The following PLCH1 variants were observed in gnomAD, a reference collection of about 807,000 sequenced individuals.
PLCH1 encodes the protein phospholipase C eta 1.
In PLCH1, 60 loss-of-function variants were observed where a neutral mutation model predicts 126.7. That is an observed-to-expected ratio of 0.47 (90% CI 0.38 to 0.59). The LOEUF (loss-of-function observed/expected upper bound fraction) is 0.59. PLCH1 is among the 20% of genes least tolerant of loss of function. PLCH1 has a pLI of 0.00. For missense variants in PLCH1, 1,723 were observed against 2,040.0 expected, an observed-to-expected ratio of 0.84 and a Z score of 2.99; for synonymous variants, 719 against 734.9, an observed-to-expected ratio of 0.98 and a Z score of 0.35.
intron 1 of PLCH1, among the ~76,000 whole-genome samples, chr3:155,707,742 A>ACAT (rs1197232571): frequency 6.6e-6 from 1 of 152,184 alleles, no homozygotes; most frequent in Non-Finnish European, 1.5e-5. Flanking sequence ...ACATAGCAAT[A>ACAT]GATAATGTAA....
chr3:155,707,917 T>C (rs1221873986), intron 1 of PLCH1, among the ~76,000 whole-genome samples: 1 of 152,140 alleles, frequency 6.6e-6, no homozygotes, highest in Non-Finnish European at 1.5e-5. Flanking sequence ...TCCAGATCTT[T>C]TTGCTTTTCT....
intron 2 of PLCH1, among the ~76,000 whole-genome samples, chr3:155,694,059 T>G (rs892860071): frequency 4.6e-5 from 7 of 152,250 alleles, no homozygotes; most frequent in African/African-American, 1.7e-4. Flanking sequence ...TCCTTCTTTT[T>G]TAATGCTCCC....
chr3:155,744,067 G>A (rs1749810670), intron 1 of PLCH1, among the ~76,000 whole-genome samples: 1 of 152,000 alleles, frequency 6.6e-6, no homozygotes, highest in Admixed American at 6.6e-5. Flanking sequence ...GTCAAAATGT[G>A]ATCACAAATT....
intron 21 of PLCH1, 75 bp from the exon 22 acceptor site, chr3:155,485,785 TC>T: frequency 2.2e-6 from 2 of 900,076 alleles, no homozygotes; most frequent in Non-Finnish European, 3.4e-6. Context: ...AAATGACAGC[TC>T]CATGAAAAAT....
At chr3:155,673,556 A>G (rs903757446) in intron 2 of PLCH1, among the ~76,000 whole-genome samples, 1 of 152,190 alleles carries the variant, frequency 6.6e-6, no homozygotes, top group African/African-American at 2.4e-5. Flanking sequence ...CAACTTCTAA[A>G]AGAAAAAAAT....
Position 155,481,379 on chromosome 3 carries a change from G to T in PLCH1, c.4647C>A (p.Asn1549Lys). 1 of 1,614,250 alleles carries T rather than the reference G, an allele frequency of 6.2e-7. No homozygotes were observed. The highest frequency in any genetic ancestry group is 8.5e-7 in the Non-Finnish European group (1 of 1,180,042). Residue 1549 changes from asparagine (N) to lysine (K), a missense_variant, in exon 23 of 23, where the codon AAC becomes AAA. Around this residue, in one of 2 missense-constraint regions of PLCH1, gnomAD observed 947 missense variants for 977.1 expected, o/e 0.97. Transcript: ENST00000460012. This position sits in a 1 kb window ranked among gnomAD's most constrained non-coding sequence, Gnocchi z 4.2. ...CCTGCTTTGAATATAGCACTTGGCA[G>T]TTGTCTTCCTGGTCAAAGGACACAA... Reference protein sequence around the residue: ...RKLVSFDQEDNCQVLYSKQDA... With the variant: ...RKLVSFDQEDKCQVLYSKQDA...
At chr3:155,493,666 G>A (rs547854941) in intron 17 of PLCH1, among the ~76,000 whole-genome samples, 4 of 152,282 alleles carry the variant, frequency 2.6e-5, no homozygotes, top group African/African-American at 4.8e-5. Flanking sequence ...AATTACAGGC[G>A]TCAGCCCCCA....
At chr3:155,458,575 A>G (rs1176419339) in intron 21 of PLCH1, among the ~76,000 whole-genome samples, 3 of 150,586 alleles carry the variant, frequency 2.0e-5, no homozygotes, top group Non-Finnish European at 2.9e-5. Context: ...AGAAAGAAAG[A>G]AAGAAAGGAA....
Position 155,482,610 on chromosome 3 carries a change from G to A in PLCH1, c.3416C>T (p.Ala1139Val), listed in dbSNP as rs1714336098. Residue 1139 changes from alanine to valine, a missense_variant, in exon 23 of 23, where the codon GCT (alanine) becomes GTT (valine). This residue lies in a region of PLCH1 where 947 missense variants were observed against 977.1 expected (regional missense o/e 0.97). Coordinates refer to ENST00000460012, the MANE Select transcript of PLCH1 (RefSeq NM_014996.4). ...NLEGNRGKGR[A>V]ATSFSLSDVS... ...GTCTGACAAAGAAAAGGATGTTGCA[G>A]CTCGGCCCTTACCCCTATTACCTTC... is the stretch of plus-strand genomic sequence containing the variant. 1 of 1,614,160 alleles carries A rather than the reference G, an allele frequency of 6.2e-7. No homozygotes were observed. The highest frequency in any genetic ancestry group is 2.2e-5 in the East Asian group (1 of 44,878).
chr3:155,675,294 T>C (rs1743980759), intron 2 of PLCH1, among the ~76,000 whole-genome samples: 1 of 152,292 alleles, frequency 6.6e-6, no homozygotes, highest in African/African-American at 2.4e-5. Context: ...TTAGAAGACA[T>C]TTCTTGACAT....
chr3:155,603,859 A>G (rs1007788629), intron 2 of PLCH1, among the ~76,000 whole-genome samples: 1 of 152,120 alleles, frequency 6.6e-6, no homozygotes, highest in African/African-American at 2.4e-5. Context: ...GCACTTTAGA[A>G]GGCCAAGGTG....
chr3:155,667,924 A>AAT (rs911695715), intron 2 of PLCH1, among the ~76,000 whole-genome samples: 4 of 149,944 alleles, frequency 2.7e-5, no homozygotes, highest in Admixed American at 6.6e-5. Context: ...AAAAAAAAAA[A>AAT]AAATACAAAA....
chr3:155,740,562 G>C (rs1283414109), intron 1 of PLCH1, among the ~76,000 whole-genome samples: 1 of 152,102 alleles, frequency 6.6e-6, no homozygotes, highest in African/African-American at 2.4e-5. Context: ...CTAGGGCAAG[G>C]ATTCGAGGCC....
At chr3:155,723,048 G>A (rs1291152833) in intron 1 of PLCH1, among the ~76,000 whole-genome samples, 2 of 152,134 alleles carry the variant, frequency 1.3e-5, no homozygotes, top group Non-Finnish European at 2.9e-5. Flanking sequence ...GTTTAATCTA[G>A]GAGGATTGTA....
At chr3:155,523,052 G>A (rs1403656275) in intron 11 of PLCH1, among the ~76,000 whole-genome samples, 2 of 152,190 alleles carry the variant, frequency 1.3e-5, no homozygotes, top group East Asian at 3.9e-4. Flanking sequence ...TCGGCTCACT[G>A]CAAGCTCCGC....
intron 6 of PLCH1, among the ~76,000 whole-genome samples, chr3:155,582,125 A>G (rs1220673834): frequency 8.7e-6 from 1 of 114,978 alleles, no homozygotes; most frequent in Admixed American, 1.3e-4. Context: ...TCTGCCGCCC[A>G]GGCTGGAGTG....
chr3:155,539,003 C>G (rs1291361432), intron 10 of PLCH1, among the ~76,000 whole-genome samples: 1 of 151,540 alleles, frequency 6.6e-6, no homozygotes, highest in African/African-American at 2.4e-5. Flanking sequence ...CAAAAATCCT[C>G]AACCAAATAC....
At chr3:155,655,583 C>A (rs528358116) in intron 2 of PLCH1, among the ~76,000 whole-genome samples, 1 of 152,294 alleles carries the variant, frequency 6.6e-6, no homozygotes, top group South Asian at 2.1e-4. Flanking sequence ...CATACATTCA[C>A]CATGGAAGCC....
chr3:155,605,207 G>A (rs543053300), intron 2 of PLCH1, among the ~76,000 whole-genome samples: 4 of 152,120 alleles, frequency 2.6e-5, no homozygotes, highest in African/African-American at 9.6e-5. Flanking sequence ...GGTTCACATC[G>A]GTGACTAGTC....
Sources: gnomAD v4.1 joint callset for allele counts (sites outside exome capture counted in the v4.1 genomes callset) on GRCh38, gnomAD v4.1.1 for gene constraint, gnomAD v4.1.1 regional missense constraint, Gnocchi (gnomAD v3.1) non-coding constraint, MANE v1.5 for transcripts, NCBI Gene and HGNC (gene_info 2026-07-23, HGNC 2026-07-21) for gene names.